The following SEZ6L variants were observed in gnomAD, a reference collection of about 807,000 sequenced individuals.
SEZ6L encodes seizure related 6 homolog like.
Under a neutral mutation model 106.2 loss-of-function variants are expected in SEZ6L, and 37 were observed. That is an observed-to-expected ratio of 0.35 (90% CI 0.27 to 0.46). The LOEUF (loss-of-function observed/expected upper bound fraction) is 0.46. SEZ6L is among the 20% of genes least tolerant of loss of function. The pLI, the probability that SEZ6L is intolerant of heterozygous loss-of-function variation, is 1.00. For synonymous variants in SEZ6L, 541 were observed against 570.4 expected (o/e 0.95, Z 0.73); for missense variants, 1,172 against 1,332.8 (o/e 0.88, Z 1.88).
At chr22:26,315,910 C>G (rs765654635) in intron 9 of SEZ6L, among the ~76,000 whole-genome samples, 58 of 151,928 alleles carry the variant, frequency 3.8e-4, no homozygotes, top group Non-Finnish European at 4.0e-4. Context: ...ATTAAAAAAA[C>G]TAGCCAGGCA....
chr22:26,265,216 C>T (rs1424021060), intron 1 of SEZ6L, among the ~76,000 whole-genome samples: 1 of 152,168 alleles, frequency 6.6e-6, no homozygotes, highest in African/African-American at 2.4e-5. Flanking sequence ...TTTCCTTACA[C>T]CACCCTGTGC....
At chr22:26,173,615 G>A (rs1371698737) in intron 1 of SEZ6L, among the ~76,000 whole-genome samples, 2 of 152,148 alleles carry the variant, frequency 1.3e-5, no homozygotes, top group Non-Finnish European at 2.9e-5. Flanking sequence ...TGAATTTACC[G>A]AGCACTTCCT....
rs762738515 is a variant in SEZ6L, at chr22:26,382,089, G to T, written c.*1794G>T. On this transcript the variant is annotated 3_prime_UTR_variant, in exon 17 of 17. Coordinates refer to ENST00000248933, the MANE Select transcript of SEZ6L (RefSeq NM_021115.5). Reference sequence around the variant, plus strand: ...AGAATATTTTCCTTCTGCCAGAAAAGAATCTTGCACATATACTCCTGAAGG... The same window carrying T: ...AGAATATTTTCCTTCTGCCAGAAAATAATCTTGCACATATACTCCTGAAGG... 7 of 517,108 alleles carry T rather than the reference G, an allele frequency of 1.4e-5. No individual in the cohort carries two copies. Among genetic ancestry groups the T allele is most frequent in the Admixed American group, 1.2e-4 (6 of 51,318 alleles). 32.0% of individuals were successfully genotyped at this position (517,108 alleles called of 1,614,324 possible). A position where few individuals can be genotyped will look rare whatever the true frequency, so the allele number is the denominator to read the frequency against.
At chr22:26,258,976 C>G (rs2079913351) in intron 1 of SEZ6L, among the ~76,000 whole-genome samples, 1 of 152,144 alleles carries the variant, frequency 6.6e-6, no homozygotes, top group South Asian at 2.1e-4. Flanking sequence ...AGTGAAGAGA[C>G]AGCTGTAATC....
chr22:26,377,084 A>G (rs1422700019), intron 15 of SEZ6L, among the ~76,000 whole-genome samples: 2 of 152,176 alleles, frequency 1.3e-5, no homozygotes, highest in African/African-American at 4.8e-5. Flanking sequence ...GTTTGAGACC[A>G]GCTTGGGCAA....
intron 1 of SEZ6L, among the ~76,000 whole-genome samples, chr22:26,278,947 AAAAG>A (rs1050399973): frequency 1.1e-4 from 16 of 144,214 alleles, no homozygotes; most frequent in South Asian, 4.5e-4. Context: ...GAAAGAAAGA[AAAAG>A]AAAGAAAGAG....
intron 1 of SEZ6L, among the ~76,000 whole-genome samples, chr22:26,283,079 A>G (rs137197): frequency 0.42 from 63,308 of 151,750 alleles, 15,715 homozygotes; most frequent in African/African-American, 0.69. Flanking sequence ...GTGCCGCCAC[A>G]CCTGGCTAAT....
intron 13 of SEZ6L, among the ~76,000 whole-genome samples, chr22:26,367,680 AC>A (rs1486823597): frequency 6.6e-6 from 1 of 151,402 alleles, no homozygotes; most frequent in African/African-American, 2.4e-5. Context: ...ATTATTTCCC[AC>A]CTCTTGCACT....
intron 1 of SEZ6L, among the ~76,000 whole-genome samples, chr22:26,229,639 C>G (rs9620594): frequency 0.08 from 12,144 of 152,178 alleles, 936 homozygotes; most frequent in African/African-American, 0.2. Context: ...TACAACTGCA[C>G]CTCAGCATCC....
At chr22:26,219,384 T>C (rs766822085) in intron 1 of SEZ6L, among the ~76,000 whole-genome samples, 4 of 152,140 alleles carry the variant, frequency 2.6e-5, no homozygotes, top group Non-Finnish European at 5.9e-5. Context: ...TTTTTTTGTT[T>C]GTTTTTTTAC....
intron 1 of SEZ6L, among the ~76,000 whole-genome samples, chr22:26,192,939 T>C (rs1940333262): frequency 6.6e-6 from 1 of 152,236 alleles, no homozygotes; most frequent in Non-Finnish European, 1.5e-5. Flanking sequence ...CTGTCCTGAA[T>C]AGAAACAATA....
intron 1 of SEZ6L, among the ~76,000 whole-genome samples, chr22:26,267,022 G>A (rs2080214047): frequency 6.6e-6 from 1 of 152,146 alleles, no homozygotes; most frequent in African/African-American, 2.4e-5. Flanking sequence ...TAGAGGGAAG[G>A]TATTTTGAGC....
chr22:26,199,711 A>T (rs565035194), intron 1 of SEZ6L, among the ~76,000 whole-genome samples: 1 of 152,320 alleles, frequency 6.6e-6, no homozygotes. Flanking sequence ...CAGTTTGGTG[A>T]ATTCCCTTCT....
In SEZ6L at chr22:26,377,753, A is replaced by C; in HGVS notation, c.3023A>C (p.Asp1008Ala). The change falls in exon 16 of 17, where the codon GAC becomes GCC. Residue 1008 changes from aspartate to alanine, a missense_variant. This residue lies in a region of SEZ6L where 141 missense variants were observed against 176.0 expected (regional missense o/e 0.80). Coordinates refer to ENST00000248933, the MANE Select transcript of SEZ6L (RefSeq NM_021115.5). ...YSQITVETEFDNPIYETGETR... is the reference protein window; with the variant it reads ...YSQITVETEFANPIYETGETR... ...CAGATCACCGTGGAAACCGAGTTTG[A>C]CAACCCCATTTACGAGACAGGGGTG... The C allele has an allele frequency of 6.2e-7, 1 of 1,613,426 alleles. No individual in the cohort carries two copies. The highest frequency in any genetic ancestry group is 1.1e-5 in the South Asian group (1 of 91,066).
rs116425447 is a variant in SEZ6L, at chr22:26,335,305, G to T, written c.2016-5131G>T. Among the ~76,000 whole-genome samples, 301 of 152,224 alleles carry T rather than the reference G, an allele frequency of 2.0e-3. 2 individuals are homozygous for T. The highest frequency in any genetic ancestry group is 7.0e-3 in the African/African-American group (292 of 41,534). ...ACATCCTATATTATTTTTTTCCTCT[G>T]GGTGAAAGCTGCGTTTTCATAGGTC... On this transcript the variant is annotated intron_variant, in intron 9 of 16. Transcript: ENST00000248933.
At chr22:26,342,707 A>G (rs200682447) in intron 10 of SEZ6L, among the ~76,000 whole-genome samples, 1 of 146,880 alleles carries the variant, frequency 6.8e-6, no homozygotes, top group Non-Finnish European at 1.5e-5. Context: ...AGAAAAAAGA[A>G]AAAAGAAAAG....
At chr22:26,351,561 GTTT>G in intron 12 of SEZ6L, 5 of 248,534 alleles carry the variant, frequency 2.0e-5, no homozygotes, top group Non-Finnish European at 3.8e-5. Flanking sequence ...TGGTTGGTTG[GTTT>G]TAGATGGAAT....
chr22:26,280,559 T>C (rs2080729916), intron 1 of SEZ6L, among the ~76,000 whole-genome samples: 1 of 152,194 alleles, frequency 6.6e-6, no homozygotes, highest in South Asian at 2.1e-4. Context: ...TCTTTATTGC[T>C]AGTAGGACTA....
intron 1 of SEZ6L, among the ~76,000 whole-genome samples, chr22:26,200,884 C>T (rs1213238532): frequency 6.6e-6 from 1 of 152,086 alleles, no homozygotes; most frequent in Non-Finnish European, 1.5e-5. Context: ...AACACATTCC[C>T]CACCTCTCAG....
Sources: allele counts gnomAD v4.1 joint callset (sites outside exome capture counted in the v4.1 genomes callset), GRCh38; gene constraint gnomAD v4.1.1; regional missense constraint gnomAD v4.1.1; transcripts MANE v1.5; gene names NCBI Gene and HGNC (gene_info 2026-07-23, HGNC 2026-07-21).